SLC44A5: variants seen among roughly 807,000 people sequenced by gnomAD.
SLC44A5 encodes solute carrier family 44 member 5.
SLC44A5 carries 57 observed loss-of-function variants against 101.8 expected under a neutral mutation model. The observed-to-expected ratio is 0.56, with a 90% CI of 0.45 to 0.70. SLC44A5 has a LOEUF of 0.70. Among genes scored for constraint, SLC44A5 ranks in the 30% least tolerant of loss-of-function variants. The probability of loss-of-function intolerance (pLI) is 0.00; values close to 1 mark genes in which losing one functional copy is unlikely to be tolerated. For missense variants in SLC44A5, 737 were observed against 853.1 expected (o/e 0.86, Z 1.70); for synonymous variants, 281 against 290.9 (o/e 0.97, Z 0.35).
chr1:75,645,779 G>A, the SLC44A5 span, among the ~76,000 whole-genome samples: 2 of 136,152 alleles, frequency 1.5e-5, no homozygotes, highest in Non-Finnish European at 3.3e-5. Flanking sequence ...TAACAATTAA[G>A]TCTTTAATCC....
chr1:75,629,505 A>T, the SLC44A5 span, among the ~76,000 whole-genome samples: 2 of 152,162 alleles, frequency 1.3e-5, no homozygotes, highest in African/African-American at 4.8e-5. Flanking sequence ...AAGAGAGTAG[A>T]GTGTGGATCC....
chr1:75,567,704 T>C (rs1394966416), intron 1 of SLC44A5, among the ~76,000 whole-genome samples: 1 of 152,164 alleles, frequency 6.6e-6, no homozygotes. Flanking sequence ...ATGCTTAAGA[T>C]TTAGGGTCTG....
At chr1:75,648,013 G>A in the SLC44A5 span, among the ~76,000 whole-genome samples, 1 of 152,126 alleles carries the variant, frequency 6.6e-6, no homozygotes, top group Admixed American at 6.5e-5. Context: ...AGCCAGGAGT[G>A]GAATGATATG....
the SLC44A5 span, among the ~76,000 whole-genome samples, chr1:75,633,828 G>T: frequency 6.6e-6 from 1 of 152,112 alleles, no homozygotes; most frequent in Non-Finnish European, 1.5e-5. Context: ...TCCAGTCTTT[G>T]CCCATTCAGT....
At chr1:75,495,698 A>C (rs1046887252) in intron 2 of SLC44A5, among the ~76,000 whole-genome samples, 2 of 152,090 alleles carry the variant, frequency 1.3e-5, no homozygotes, top group African/African-American at 4.8e-5. Context: ...CAAAAAAGCA[A>C]AAAGAAAAAA....
Position 75,213,700 on chromosome 1 carries a change from C to T in SLC44A5, c.1962+5G>A, listed in dbSNP as rs370542683. 6.3e-7 allele frequency: 1 copy of T among 1,598,130 alleles called. No individual in the cohort carries two copies. Among genetic ancestry groups the T allele is most frequent in the Non-Finnish European group, 8.6e-7 (1 of 1,166,022 alleles). On this transcript the variant is annotated splice_donor_5th_base_variant and intron_variant, in intron 22 of 23. Coordinates refer to ENST00000370859, the MANE Select transcript of SLC44A5 (RefSeq NM_001130058.2). ...GCCTGTACTGACTCAGACACCAGCT[C>T]TTACCAGCAAAGGTACCCAGTAGTA...
At chr1:75,539,212 A>G (rs1403487330) in intron 2 of SLC44A5, among the ~76,000 whole-genome samples, 1 of 152,182 alleles carries the variant, frequency 6.6e-6, no homozygotes, top group African/African-American at 2.4e-5. Context: ...CAGATAATTG[A>G]CTTTTTTCAC....
At chr1:75,410,688 C>T (rs1422208941) in intron 2 of SLC44A5, among the ~76,000 whole-genome samples, 2 of 152,096 alleles carry the variant, frequency 1.3e-5, no homozygotes, top group African/African-American at 4.8e-5. Context: ...TACAAAGTCA[C>T]AAGCTTCAAA....
At chr1:75,666,631 A>G in the SLC44A5 span, among the ~76,000 whole-genome samples, 2 of 152,314 alleles carry the variant, frequency 1.3e-5, no homozygotes, top group Admixed American at 6.5e-5. Flanking sequence ...GCAGAGACAC[A>G]ACAAAAAAAT....
At chr1:75,686,431 C>G in the SLC44A5 span, among the ~76,000 whole-genome samples, 1 of 152,208 alleles carries the variant, frequency 6.6e-6, no homozygotes, top group Non-Finnish European at 1.5e-5. Context: ...ACCTCAACAT[C>G]TTGAAGTAGA....
chr1:75,513,166 A>G (rs1669652672), intron 2 of SLC44A5, among the ~76,000 whole-genome samples: 2 of 152,222 alleles, frequency 1.3e-5, no homozygotes, highest in African/African-American at 4.8e-5. Flanking sequence ...CTACACAGAC[A>G]AGATTAAACA....
the SLC44A5 span, among the ~76,000 whole-genome samples, chr1:75,706,252 CACTG>C: frequency 1.3e-5 from 2 of 152,182 alleles, no homozygotes; most frequent in East Asian, 3.9e-4. Context: ...ACTTACAAAT[CACTG>C]GAGTTCATTT....
intron 4 of SLC44A5, among the ~76,000 whole-genome samples, chr1:75,328,510 A>G (rs1656780162): frequency 6.6e-6 from 1 of 152,070 alleles, no homozygotes; most frequent in Non-Finnish European, 1.5e-5. Context: ...AGAAAAAGAA[A>G]CTGGACACCA....
At chr1:75,403,028 A>G (rs1323141619) in intron 2 of SLC44A5, among the ~76,000 whole-genome samples, 1 of 152,160 alleles carries the variant, frequency 6.6e-6, no homozygotes, top group East Asian at 1.9e-4. Flanking sequence ...GTCCACCATT[A>G]CTGAGGGCTC....
chr1:75,357,183 G>T (rs562984532), intron 3 of SLC44A5: 1 of 455,510 alleles, frequency 2.2e-6, no homozygotes, highest in Non-Finnish European at 4.4e-6. Context: ...AAGAATTAAC[G>T]TTATGCCTTT....
At chr1:75,497,039 A>G (rs1364000549) in intron 2 of SLC44A5, among the ~76,000 whole-genome samples, 2 of 152,154 alleles carry the variant, frequency 1.3e-5, no homozygotes, top group African/African-American at 4.8e-5. Flanking sequence ...ATGAGAATGT[A>G]ATTTGATATA....
intron 2 of SLC44A5, among the ~76,000 whole-genome samples, chr1:75,470,539 T>C (rs1667049403): frequency 6.6e-6 from 1 of 151,896 alleles, no homozygotes; most frequent in Admixed American, 6.6e-5. Context: ...ACTACCAAGA[T>C]AGGGAAGGTA....
At chr1:75,534,101 GC>G (rs1285305878) in intron 2 of SLC44A5, among the ~76,000 whole-genome samples, 1 of 152,132 alleles carries the variant, frequency 6.6e-6, no homozygotes, top group African/African-American at 2.4e-5. Context: ...CTCGAGACAG[GC>G]ATTATCAATT....
intron 2 of SLC44A5, among the ~76,000 whole-genome samples, chr1:75,447,031 T>C (rs1665622856): frequency 6.6e-6 from 1 of 152,134 alleles, no homozygotes; most frequent in African/African-American, 2.4e-5. Flanking sequence ...CACAGGCCTG[T>C]GGAAGGTACC....
Sources: gnomAD v4.1 joint callset for allele counts (sites outside exome capture counted in the v4.1 genomes callset) on GRCh38, gnomAD v4.1.1 for gene constraint, MANE v1.5 for transcripts, NCBI Gene and HGNC (gene_info 2026-07-23, HGNC 2026-07-21) for gene names.